The following COPG2 variants were observed in gnomAD, a reference collection of about 807,000 sequenced individuals.
COPG2 encodes coat protein complex I subunit gamma 2.
COPG2 carries 37 observed loss-of-function variants against 46.3 expected under a neutral mutation model. That is an observed-to-expected ratio of 0.80 (90% CI 0.61 to 1.05). COPG2 has a LOEUF of 1.05. Ranked by LOEUF, COPG2 falls within the 50% of genes least tolerant of loss-of-function variation. The probability of loss-of-function intolerance (pLI) is 0.00; values close to 1 mark genes in which losing one functional copy is unlikely to be tolerated. For synonymous variants in COPG2, 159 were observed against 129.7 expected (o/e 1.23, Z -1.53); for missense variants, 427 against 387.8 (o/e 1.10, Z -0.85).
intron 6 of COPG2, among the ~76,000 whole-genome samples, chr7:130,615,718 G>A (rs1277439238): frequency 6.6e-6 from 1 of 152,168 alleles, no homozygotes; most frequent in South Asian, 2.1e-4. Flanking sequence ...TGGTGGTAGC[G>A]GCTGAATGAT....
intron 4 of COPG2, among the ~76,000 whole-genome samples, chr7:130,656,260 T>TA (rs530175131): frequency 1.4e-4 from 21 of 151,958 alleles, no homozygotes; most frequent in Non-Finnish European, 2.9e-4. Flanking sequence ...AATTAATTTT[T>TA]AAAAAAATCA....
chr7:130,637,521 T>C (rs1175515521), intron 5 of COPG2, among the ~76,000 whole-genome samples: 1 of 152,222 alleles, frequency 6.6e-6, no homozygotes, highest in Non-Finnish European at 1.5e-5. Context: ...AATTTGGCTA[T>C]TGATACTTGT....
intron 9 of COPG2, among the ~76,000 whole-genome samples, chr7:130,570,098 T>C (rs1171921714): frequency 6.6e-6 from 1 of 152,138 alleles, no homozygotes; most frequent in Non-Finnish European, 1.5e-5. Context: ...CAGTTGGCAT[T>C]ATACTGAACA....
Position 130,508,635 on chromosome 7 carries a change from A to G in COPG2, c.2174T>C (p.Met725Thr), listed in dbSNP as rs1199266433. ...GTCACAGTCCCGGACTGTAAACTTC[A>G]TGGTGCAGCTAAAGGAGCCTGCAAC... is the stretch of plus-strand genomic sequence containing the variant. ...TAVAGSFSCT[M>T]KFTVRDCDPN... The change falls in exon 21 of 24, where the codon ATG becomes ACG. Residue 725 changes from methionine to threonine, a missense_variant. Coordinates refer to ENST00000425248, the MANE Select transcript of COPG2 (RefSeq NM_012133.6). 1.3e-6 allele frequency: 1 copy of G among 771,994 alleles called. No homozygotes were observed. Among genetic ancestry groups the G allele is most frequent in the Non-Finnish European group, 2.4e-6 (1 of 414,116 alleles). The allele number at this position is 771,994 out of a possible 1,614,324, so 47.8% of individuals were successfully genotyped here.
chr7:130,646,945 A>ACG (rs1795608579), intron 5 of COPG2, among the ~76,000 whole-genome samples: 6 of 101,390 alleles, frequency 5.9e-5, no homozygotes, highest in African/African-American at 4.2e-4. Context: ...ATATATACGT[A>ACG]TATATATATA....
chr7:130,536,070 A>G (rs1019243884), intron 20 of COPG2, among the ~76,000 whole-genome samples: 4 of 152,022 alleles, frequency 2.6e-5, no homozygotes, highest in African/African-American at 7.2e-5. Context: ...GTATTAACTG[A>G]GTGCCTGGGA....
chr7:130,660,035 C>T (rs1227789677), intron 4 of COPG2, among the ~76,000 whole-genome samples: 1 of 152,082 alleles, frequency 6.6e-6, no homozygotes, highest in Non-Finnish European at 1.5e-5. Context: ...TAGAAGAATA[C>T]CAACTTCAAG....
chr7:130,541,535 G>A (rs1291900826), intron 20 of COPG2, among the ~76,000 whole-genome samples: 1 of 152,110 alleles, frequency 6.6e-6, no homozygotes, highest in Non-Finnish European at 1.5e-5. Context: ...ATGAGGACGG[G>A]CAGAGAGCGA....
At chr7:130,589,309 A>T (rs2092169042) in intron 9 of COPG2, among the ~76,000 whole-genome samples, 2 of 150,666 alleles carry the variant, frequency 1.3e-5, no homozygotes, top group South Asian at 4.2e-4. Flanking sequence ...GTCGGGTCTC[A>T]CTGTGTCACC....
intron 20 of COPG2, among the ~76,000 whole-genome samples, chr7:130,521,864 G>A (rs1799726973): frequency 6.6e-6 from 1 of 152,088 alleles, no homozygotes; most frequent in South Asian, 2.1e-4. Context: ...AAAAGGGTGA[G>A]GTAGAAAAGA....
intron 5 of COPG2, among the ~76,000 whole-genome samples, chr7:130,646,850 C>T (rs1397310597): frequency 1.3e-5 from 2 of 151,500 alleles, no homozygotes; most frequent in African/African-American, 4.9e-5. Context: ...AGGCCTCCCC[C>T]AGCCACGCGG....
At chr7:130,613,354 C>T (rs1203289280) in intron 7 of COPG2, among the ~76,000 whole-genome samples, 190 bp downstream of exon 7, 4 of 152,206 alleles carry the variant, frequency 2.6e-5, no homozygotes, top group Non-Finnish European at 2.9e-5. Flanking sequence ...CCTGACAGGT[C>T]ACAGACCAGT....
chr7:130,575,245 A>G (rs1793982178), intron 9 of COPG2, among the ~76,000 whole-genome samples: 2 of 152,194 alleles, frequency 1.3e-5, no homozygotes, highest in African/African-American at 4.8e-5. Context: ...ACTTAGGCAC[A>G]CTGTCATCAG....
At chr7:130,662,034 G>A (rs1437293680) in intron 4 of COPG2, among the ~76,000 whole-genome samples, 1 of 152,168 alleles carries the variant, frequency 6.6e-6, no homozygotes, top group Non-Finnish European at 1.5e-5. Flanking sequence ...GCCCTGAAAA[G>A]TAGAATGAAG....
At chr7:130,597,258 T>C (rs1395593113) in intron 9 of COPG2, among the ~76,000 whole-genome samples, 1 of 152,154 alleles carries the variant, frequency 6.6e-6, no homozygotes, top group Non-Finnish European at 1.5e-5. Context: ...CCATTCTAAG[T>C]TATGCCCACT....
rs557602726 is a variant in COPG2 at position 130,650,936 on chromosome 7, T to C, written c.323+1933A>G. The stretch of plus-strand genomic sequence containing the variant: ...GCCAACACCAGCTACTCCAAGCCTC[T>C]AGACTTACGATTATATGAGAAAAAA... On this transcript the variant is annotated intron_variant, in intron 5 of 23. Transcript: ENST00000425248. 2.6e-5 allele frequency among the ~76,000 whole-genome samples: 4 copies of C among 152,322 alleles called. No homozygotes were observed. The South Asian group carries it at 8.3e-4, about 32-fold the overall frequency.
At chr7:130,660,854 T>C (rs1795963335) in intron 4 of COPG2, among the ~76,000 whole-genome samples, 1 of 152,198 alleles carries the variant, frequency 6.6e-6, no homozygotes, top group Non-Finnish European at 1.5e-5. Context: ...TACAATCCAC[T>C]GGTTCTACCA....
intron 20 of COPG2, among the ~76,000 whole-genome samples, chr7:130,513,373 ATATGTG>A (rs1232386065): frequency 4.2e-5 from 2 of 47,068 alleles, no homozygotes; most frequent in African/African-American, 9.1e-5. Context: ...ATATATATAT[ATATGTG>A]TGTGTGTGTG....
At chr7:130,651,393 C>G (rs576879621) in intron 5 of COPG2, among the ~76,000 whole-genome samples, 2 of 151,360 alleles carry the variant, frequency 1.3e-5, no homozygotes, top group African/African-American at 4.9e-5. Flanking sequence ...CTCGGCTCAC[C>G]GCAATCTCCA....
Sources: gnomAD v4.1 joint callset for allele counts (sites outside exome capture counted in the v4.1 genomes callset) on GRCh38, gnomAD v4.1.1 for gene constraint, MANE v1.5 for transcripts, NCBI Gene and HGNC (gene_info 2026-07-23, HGNC 2026-07-21) for gene names.